Variants in TBC1D5 observed in about 807,000 individuals in gnomAD.
TBC1D5 encodes TBC1 domain family, member 5.
A neutral mutation model predicts 100.3 loss-of-function variants in TBC1D5; 75 were observed. That is an observed-to-expected ratio of 0.75 (90% CI 0.62 to 0.91). TBC1D5 has a LOEUF of 0.91. Ranked by LOEUF, TBC1D5 falls within the 40% of genes least tolerant of loss-of-function variation. The pLI is 0.00. For synonymous variants in TBC1D5, 323 were observed against 325.6 expected, an observed-to-expected ratio of 0.99 and a Z score of 0.09; for missense variants, 910 against 942.4, an observed-to-expected ratio of 0.97 and a Z score of 0.45.
chr3:17,592,212 T>C (rs745865685), intron 2 of TBC1D5, among the ~76,000 whole-genome samples: 9 of 152,270 alleles, frequency 5.9e-5, no homozygotes, highest in African/African-American at 9.6e-5. Flanking sequence ...TCCAGCTTTA[T>C]GTCATAATCT....
chr3:17,697,430 A>C (rs895386619), intron 1 of TBC1D5, among the ~76,000 whole-genome samples: 27 of 152,102 alleles, frequency 1.8e-4, no homozygotes, highest in African/African-American at 6.0e-4. Flanking sequence ...AATCAATGTG[A>C]AAAAATCACA....
intron 1 of TBC1D5, among the ~76,000 whole-genome samples, chr3:17,680,095 T>A (rs2069241676): frequency 6.6e-6 from 1 of 151,536 alleles, no homozygotes; most frequent in African/African-American, 2.5e-5. Flanking sequence ...GAAACACTTT[T>A]ATCAGTTATA....
chr3:17,214,428 G>A (rs1472303026), intron 17 of TBC1D5, 58 bp from the exon 19 acceptor site: 7 of 1,531,042 alleles, frequency 4.6e-6, no homozygotes, highest in South Asian at 1.2e-5. Flanking sequence ...TAAGCTATTC[G>A]ATCTACTGTT....
In TBC1D5 at chr3:17,547,788, T is replaced by C. The variant is rs1475690379; in HGVS notation, c.-35-39183A>G. ...CACATGAGGATAGTTGATTTCATGA[T>C]ATAATTCTGTTTATTGCAGTATGTG... On this transcript the variant is annotated intron_variant, in intron 2 of 21. Transcript: ENST00000253692. Among the ~76,000 whole-genome samples, 4 of 152,348 alleles carry C rather than the reference T, an allele frequency of 2.6e-5. No individual in the cohort carries two copies. In the East Asian group the frequency reaches 7.7e-4, roughly 29 times the overall value.
chr3:17,474,296 A>C (rs78108845), intron 3 of TBC1D5, among the ~76,000 whole-genome samples: 16 of 152,272 alleles, frequency 1.1e-4, no homozygotes, highest in Middle Eastern at 6.8e-3. Flanking sequence ...TGAGTTATAA[A>C]CTTAACTGAG....
chr3:17,742,388 G>T, upstream of TBC1D5: 1 of 153,088 alleles, frequency 6.5e-6, no homozygotes, highest in South Asian at 2.0e-4. Flanking sequence ...AGGCCGGGGC[G>T]GGAACGACTG....
intron 18 of TBC1D5, among the ~76,000 whole-genome samples, chr3:17,201,452 G>A (rs1003070458): frequency 1.3e-5 from 2 of 152,180 alleles, no homozygotes; most frequent in African/African-American, 2.4e-5. Context: ...CAGAAAGCTG[G>A]GAGGGTAAAT....
intron 13 of TBC1D5, among the ~76,000 whole-genome samples, chr3:17,314,223 G>C (rs2084388826): frequency 6.6e-6 from 1 of 152,104 alleles, no homozygotes; most frequent in African/African-American, 2.4e-5. Flanking sequence ...TTTGGTATGA[G>C]GCATAGAGTA....
intron 15 of TBC1D5, among the ~76,000 whole-genome samples, chr3:17,282,339 T>C (rs2733515): frequency 0.5 from 75,421 of 152,064 alleles, 20,122 homozygotes; most frequent in African/African-American, 0.67. Flanking sequence ...TGCATAGGAC[T>C]GATAGCTTTA....
chr3:17,512,304 GATTTT>G (rs1019077909), intron 2 of TBC1D5, among the ~76,000 whole-genome samples: 23 of 151,920 alleles, frequency 1.5e-4, no homozygotes, highest in African/African-American at 5.1e-4. Flanking sequence ...AAAATTAAGA[GATTTT>G]ATTTAGTCTA....
chr3:17,688,324 T>C (rs2070623701), intron 1 of TBC1D5, among the ~76,000 whole-genome samples: 1 of 152,138 alleles, frequency 6.6e-6, no homozygotes, highest in African/African-American at 2.4e-5. Context: ...ACTAAACTGA[T>C]ACTAGTGGTT....
At chr3:17,708,321 G>C (rs1387558868) in intron 1 of TBC1D5, among the ~76,000 whole-genome samples, 1 of 152,108 alleles carries the variant, frequency 6.6e-6, no homozygotes, top group African/African-American at 2.4e-5. Flanking sequence ...CTTTTATCAA[G>C]TAGCGAATCA....
intron 13 of TBC1D5, among the ~76,000 whole-genome samples, chr3:17,330,844 T>C (rs2086779443): frequency 6.6e-6 from 1 of 152,192 alleles, no homozygotes; most frequent in Non-Finnish European, 1.5e-5. Flanking sequence ...GCTCCTCTTG[T>C]ACTTACAGCT....
At chr3:17,267,398 G>A (rs951431951) in intron 15 of TBC1D5, among the ~76,000 whole-genome samples, 2 of 151,822 alleles carry the variant, frequency 1.3e-5, no homozygotes, top group Non-Finnish European at 2.9e-5. Context: ...TGGTGGGGGT[G>A]GGAGAGATTT....
chr3:17,331,340 C>T (rs1184749474), intron 13 of TBC1D5, among the ~76,000 whole-genome samples: 4 of 152,152 alleles, frequency 2.6e-5, no homozygotes, highest in East Asian at 1.9e-4. Context: ...TTTTGCACTC[C>T]TTACATTCAA....
chr3:17,577,963 A>G (rs1287962880), intron 2 of TBC1D5, among the ~76,000 whole-genome samples: 14 of 152,010 alleles, frequency 9.2e-5, no homozygotes, highest in Admixed American at 8.5e-4. Flanking sequence ...TTATGCCACA[A>G]TCACTAAAAA....
At chr3:17,262,873 A>T (rs911987467) in intron 15 of TBC1D5, among the ~76,000 whole-genome samples, 3 of 152,154 alleles carry the variant, frequency 2.0e-5, no homozygotes, top group African/African-American at 4.8e-5. Context: ...AACTGATATT[A>T]GTCTGTGTGC....
At chr3:17,255,527 T>A (rs538015370) in intron 16 of TBC1D5, among the ~76,000 whole-genome samples, 1 of 152,228 alleles carries the variant, frequency 6.6e-6, no homozygotes, top group East Asian at 1.9e-4. Context: ...CTGAACTGCC[T>A]AAATTCTTCA....
At chr3:17,232,275 G>A (rs1260291233) in intron 17 of TBC1D5, among the ~76,000 whole-genome samples, 1 of 152,032 alleles carries the variant, frequency 6.6e-6, no homozygotes, top group African/African-American at 2.4e-5. Context: ...GTATAAATTG[G>A]GCTCCATATC....
Sources: gnomAD v4.1 joint callset for allele counts (sites outside exome capture counted in the v4.1 genomes callset) on GRCh38, gnomAD v4.1.1 for gene constraint, MANE v1.5 for transcripts, NCBI Gene and HGNC (gene_info 2026-07-23, HGNC 2026-07-21) for gene names.